Variants in ITGB3BP observed in about 807,000 individuals in gnomAD.
The protein encoded by ITGB3BP is integrin subunit beta 3 binding protein, also known as centromere protein R.
In ITGB3BP, 27 loss-of-function variants were observed where a neutral mutation model predicts 29.1. The observed-to-expected ratio is 0.93, with a 90% CI of 0.68 to 1.28. ITGB3BP has a LOEUF of 1.28. Ranked by LOEUF, ITGB3BP falls within the 50% of genes most tolerant of loss-of-function variation. ITGB3BP has a pLI of 0.00. For missense variants in ITGB3BP, 192 were observed against 200.2 expected, an observed-to-expected ratio of 0.96 and a Z score of 0.25; for synonymous variants, 61 against 61.4, an observed-to-expected ratio of 0.99 and a Z score of 0.03.
At chr1:63,472,137 T>C (rs1645209052) in intron 4 of ITGB3BP, among the ~76,000 whole-genome samples, 1 of 151,974 alleles carries the variant, frequency 6.6e-6, no homozygotes, top group African/African-American at 2.4e-5. Context: ...AATAAAGTTC[T>C]CATAATAAAT....
intron 2 of ITGB3BP, among the ~76,000 whole-genome samples, chr1:63,490,834 T>C (rs1403560933): frequency 1.3e-5 from 2 of 152,226 alleles, no homozygotes; most frequent in African/African-American, 4.8e-5. Flanking sequence ...TTTTAATAAG[T>C]TCTGTCTGTT....
At chr1:63,452,148 GAA>G (rs1004374932) in intron 7 of ITGB3BP, 1 of 151,862 alleles carries the variant, frequency 6.6e-6, no homozygotes, top group African/African-American at 2.4e-5. Flanking sequence ...ATAAGGAAAT[GAA>G]AAAAGTTTCC....
rs897560102 is a variant in ITGB3BP at position 63,503,293 on chromosome 1, T to G, written c.48+5235A>C. The stretch of plus-strand genomic sequence containing the variant: ...ATGATGAGCATTTTTTCATGTGTCT[T>G]TTGGCTGCATAAATGTCTTCTTTTG... On this transcript the variant is annotated intron_variant, in intron 2 of 8. Transcript: ENST00000271002. 3.9e-5 allele frequency among the ~76,000 whole-genome samples: 6 copies of G among 151,946 alleles called. No individual in the cohort carries two copies. The South Asian group carries it at 1.0e-3, about 27-fold the overall frequency.
At chr1:63,477,982 G>A (rs1293049864) in intron 4 of ITGB3BP, among the ~76,000 whole-genome samples, 2 of 152,106 alleles carry the variant, frequency 1.3e-5, no homozygotes, top group Non-Finnish European at 2.9e-5. Context: ...GGAGGCTCAA[G>A]TCTCCTATAT....
chr1:63,495,247 ACTTT>A (rs1415504334), intron 2 of ITGB3BP, among the ~76,000 whole-genome samples: 16 of 152,200 alleles, frequency 1.1e-4, no homozygotes, highest in African/African-American at 3.6e-4. Flanking sequence ...TTTATTAAAG[ACTTT>A]CTTTTTCCCC....
chr1:63,515,825 T>TAAAA (rs76881362), intron 1 of ITGB3BP, among the ~76,000 whole-genome samples: 58 of 48,634 alleles, frequency 1.2e-3, no homozygotes, highest in African/African-American at 4.9e-3. Flanking sequence ...GACTCCAACT[T>TAAAA]AAAAAAAAAA....
intron 1 of ITGB3BP, among the ~76,000 whole-genome samples, chr1:63,515,763 T>A (rs1264348963): frequency 7.4e-6 from 1 of 135,436 alleles, no homozygotes; most frequent in Non-Finnish European, 1.5e-5. Flanking sequence ...GAGGCGGAGG[T>A]TGCAGTGAGC....
intron 8 of ITGB3BP, among the ~76,000 whole-genome samples, chr1:63,444,066 T>C (rs74078223): frequency 0.012 from 1,866 of 152,282 alleles, 43 homozygotes; most frequent in African/African-American, 0.043. Flanking sequence ...GTGAAGTCAC[T>C]TAATTTCACT....
intron 4 of ITGB3BP, among the ~76,000 whole-genome samples, chr1:63,456,573 A>G (rs1451440701): frequency 1.3e-5 from 2 of 152,190 alleles, no homozygotes; most frequent in Admixed American, 1.3e-4. Flanking sequence ...TAGGAGTACA[A>G]AGTGGAGGCA....
intron 2 of ITGB3BP, among the ~76,000 whole-genome samples, chr1:63,491,024 T>C (rs1645634514): frequency 6.6e-6 from 1 of 152,046 alleles, no homozygotes; most frequent in Admixed American, 6.6e-5. Flanking sequence ...TATTCACTGT[T>C]ACCTACAGCT....
intron 4 of ITGB3BP, chr1:63,457,307 G>A: frequency 6.6e-6 from 1 of 151,986 alleles, no homozygotes; most frequent in Non-Finnish European, 1.5e-5. Flanking sequence ...CAGATTTTGG[G>A]AGAAATAATT....
chr1:63,501,252 A>G (rs1373851227), intron 2 of ITGB3BP, among the ~76,000 whole-genome samples: 1 of 152,242 alleles, frequency 6.6e-6, no homozygotes, highest in Non-Finnish European at 1.5e-5. Context: ...AACGTAGATA[A>G]AAACCTGTGT....
chr1:63,496,390 G>A (rs886129362), intron 2 of ITGB3BP, among the ~76,000 whole-genome samples: 2 of 152,034 alleles, frequency 1.3e-5, no homozygotes, highest in Non-Finnish European at 2.9e-5. Context: ...ACTGCACCTG[G>A]CACTATAATT....
intron 1 of ITGB3BP, among the ~76,000 whole-genome samples, chr1:63,519,389 C>T (rs1646401211): frequency 6.6e-6 from 1 of 152,044 alleles, no homozygotes; most frequent in Admixed American, 6.5e-5. Flanking sequence ...GTAGTTTCTA[C>T]TGAATGCATA....
At chr1:63,441,204 G>A (rs1004158341) in intron 8 of ITGB3BP, 101 bp from the exon 9 acceptor site, 1 of 152,054 alleles carries the variant, frequency 6.6e-6, no homozygotes, top group Non-Finnish European at 1.5e-5. Flanking sequence ...AATCTAGTTT[G>A]GTACCTAGTT....
At chr1:63,501,909 A>C (rs1242168216) in intron 2 of ITGB3BP, among the ~76,000 whole-genome samples, 1 of 151,746 alleles carries the variant, frequency 6.6e-6, no homozygotes, top group Non-Finnish European at 1.5e-5. Context: ...AGTACCCTTG[A>C]CTGGATATCT....
At chr1:63,449,865 A>G (rs1461949059) in intron 7 of ITGB3BP, 1 of 153,390 alleles carries the variant, frequency 6.5e-6, no homozygotes, top group Non-Finnish European at 1.5e-5. Context: ...TAGAAAACTA[A>G]AAGGGTAGTA....
chr1:63,473,829 G>A (rs1263945916), intron 4 of ITGB3BP, among the ~76,000 whole-genome samples: 2 of 60,096 alleles, frequency 3.3e-5, no homozygotes, highest in Non-Finnish European at 6.7e-5. Context: ...CGGCCGCCCC[G>A]TCCGGGAGGT....
intron 4 of ITGB3BP, among the ~76,000 whole-genome samples, chr1:63,472,443 T>TCCCTCTCCCTCTCCCCTCTCCCCCCTC (rs1557623550): frequency 1.1e-5 from 1 of 90,366 alleles, no homozygotes; most frequent in African/African-American, 4.6e-5. Context: ...CCTCTCCCTC[T>TCCCTCTCCCTCTCCCCTCTCCCCCCTC]CCCTCTCCCC....
Sources: allele counts gnomAD v4.1 joint callset (sites outside exome capture counted in the v4.1 genomes callset), GRCh38; gene constraint gnomAD v4.1.1; transcripts MANE v1.5; gene names NCBI Gene and HGNC (gene_info 2026-07-23, HGNC 2026-07-21).